The following NEIL1 variants were observed in gnomAD, a reference collection of about 807,000 sequenced individuals.
The protein encoded by NEIL1 is endonuclease 8-like 1.
NEIL1 carries 31 observed loss-of-function variants against 44.2 expected under a neutral mutation model. The ratio of observed to expected loss-of-function variants is 0.70; its 90% CI spans 0.53 to 0.95. NEIL1 has a LOEUF of 0.95. NEIL1 is among the 40% of genes least tolerant of loss of function. NEIL1 has a pLI of 0.00. For missense variants in NEIL1, 549 were observed against 515.5 expected (o/e 1.07, Z -0.63); for synonymous variants, 254 against 209.7 (o/e 1.21, Z -1.83).
chr15:75,348,459 A>T, intron 1 of NEIL1: 1 of 1,023,210 alleles, frequency 9.8e-7, no homozygotes, highest in Non-Finnish European at 1.2e-6. Flanking sequence ...GCGTGTGCGG[A>T]GGGGGTGCTC....
chr15:75,356,064 C>A lies in NEIL1; in HGVS notation c.*1030C>A. ...AACAGGAGGGGCCATGAAGGCTCTG[C>A]GAGGGCGAGACTCGACCCCCGCCCC... On this transcript the variant is annotated 3_prime_UTR_variant, in exon 10 of 10. Coordinates refer to ENST00000355059, the MANE Select transcript of NEIL1 (RefSeq NM_024608.4). The surrounding 1 kb of genome is among the most constrained non-coding windows in gnomAD (Gnocchi z 5.8). The A allele has an allele frequency of 6.2e-7, 1 of 1,613,380 alleles. No homozygotes were observed.
At position 75,356,286 on chromosome 15, in the gene NEIL1, C is replaced by G. The variant is rs531295861; in HGVS notation, c.*1252C>G. On this transcript the variant is annotated 3_prime_UTR_variant, in exon 10 of 10. Transcript: ENST00000355059. The surrounding 1 kb of genome is among the most constrained non-coding windows in gnomAD (Gnocchi z 5.8). ...CCAGTTCGGAACCCCGTCCCCAGCA[C>G]GTCCCACCCCTTGCCTGCTTGACGG... 4 of 1,611,768 alleles carry G rather than the reference C, an allele frequency of 2.5e-6. No homozygotes were observed. Among genetic ancestry groups the G allele is most frequent in the Non-Finnish European group, 3.4e-6 (4 of 1,179,204 alleles).
At chr15:75,354,304 A>G (rs778374980) in intron 7 of NEIL1, 27 bp downstream of exon 7, 25 of 1,613,814 alleles carry the variant, frequency 1.5e-5, no homozygotes, top group Non-Finnish European at 1.9e-5. Context: ...GTAATAGGCT[A>G]AGAGAGCAGA....
At position 75,352,357 on chromosome 15, in the gene NEIL1, G is replaced by A. The variant is rs754923072; in HGVS notation, c.588G>A (p.Ser196=). 17 of 1,614,040 alleles carry A rather than the reference G, an allele frequency of 1.1e-5. No homozygotes were observed. Among genetic ancestry groups the A allele is most frequent in the South Asian group, 7.7e-5 (7 of 91,080 alleles). ...LKIPPFEKAR[S]VLEALQQHRP... is the part of the protein sequence containing the mutation. ...TCCCCCCCTTTGAGAAGGCCCGCTC[G>A]GTCCTGGAGGCCCTGCAGCAGCACA... Residue 196 remains serine (S), a synonymous_variant, in exon 4 of 10, where the codon TCG becomes TCA. Coordinates refer to ENST00000355059, the MANE Select transcript of NEIL1 (RefSeq NM_024608.4).
chr15:75,354,189 A>G, intron 6 of NEIL1, 61 bp from the exon 7 acceptor site: 2 of 1,592,166 alleles, frequency 1.3e-6, no homozygotes, highest in Admixed American at 3.3e-5. Context: ...CTGCCTCTCC[A>G]AGGAATACCG....
In NEIL1 at chr15:75,349,156, C is replaced by T. The variant is rs1403197718; in HGVS notation, c.251C>T (p.Ser84Phe). The change falls in exon 2 of 10, where the codon TCT (serine) becomes TTT (phenylalanine). Residue 84 changes from serine (S) to phenylalanine (F), a missense_variant. By Grantham distance (155) the Ser-to-Phe change is radical. Coordinates refer to ENST00000355059, the MANE Select transcript of NEIL1 (RefSeq NM_024608.4). ...ALVFRFGMSG[S>F]FQLVPREELP... ...GTCTTCCGCTTCGGCATGTCCGGCT[C>T]TTTTCAGCTGGTGCCCCGCGAGGAG... is the stretch of plus-strand genomic sequence containing the variant. 6.2e-7 allele frequency: 1 copy of T among 1,609,868 alleles called. No individual in the cohort carries two copies. The highest frequency in any genetic ancestry group is 2.2e-5 in the East Asian group (1 of 44,878).
chr15:75,354,886 C>G (rs964853732), intron 9 of NEIL1, 68 bp downstream of exon 9: 67 of 1,611,800 alleles, frequency 4.2e-5, no homozygotes, highest in Non-Finnish European at 5.3e-5. Flanking sequence ...CCTAGGAGCG[C>G]GTGTACAAAG....
At chr15:75,354,313 G>C (rs746568192) in intron 7 of NEIL1, 36 bp downstream of exon 7, 3 of 1,613,870 alleles carry the variant, frequency 1.9e-6, no homozygotes, top group Middle Eastern at 1.7e-4. Context: ...TAAGAGAGCA[G>C]AAAGGACTTC....
chr15:75,354,162 AT>A, intron 6 of NEIL1, 87 bp from the exon 7 acceptor site: 1 of 1,421,804 alleles, frequency 7.0e-7, no homozygotes, highest in Non-Finnish European at 9.9e-7. Context: ...ACTGATCTGG[AT>A]GGGTGTGTGT....
At position 75,355,564 on chromosome 15, in the gene NEIL1, T is replaced by C. The variant is rs2072266136; in HGVS notation, c.*530T>C. 4.8e-5 allele frequency: 13 copies of C among 271,442 alleles called. No individual in the cohort carries two copies. The South Asian group carries it at 5.7e-4, about 12-fold the overall frequency. 16.8% of individuals were successfully genotyped at this position (271,442 alleles called of 1,614,324 possible). On this transcript the variant is annotated 3_prime_UTR_variant, in exon 10 of 10. Coordinates refer to ENST00000355059, the MANE Select transcript of NEIL1 (RefSeq NM_024608.4). ...TCCCCAGCCCCAGGCCCAGGCCCTT[T>C]ACCTGCTGGCACAGGGGAGGGGCTT... is the stretch of plus-strand genomic sequence containing the variant.
chr15:75,348,592 C>A, intron 1 of NEIL1: 1 of 1,276,828 alleles, frequency 7.8e-7, no homozygotes, highest in Non-Finnish European at 9.9e-7. Flanking sequence ...CAGCCGCGGC[C>A]CCGCAAGGAT....
chr15:75,349,250 G>T lies in NEIL1; in HGVS notation c.345G>T (p.Val115=). ...GCCCCCGGCTCGCCCTATGTTTCGT[G>T]GACATCCGCCGGTTCGGCCGCTGGG... ...PPGPRLALCF[V]DIRRFGRWDL... is the part of the protein sequence containing the mutation. The change falls in exon 2 of 10, where the codon GTG becomes GTT. Residue 115 remains valine, a synonymous_variant. Coordinates refer to ENST00000355059, the MANE Select transcript of NEIL1 (RefSeq NM_024608.4). 1 of 1,611,266 alleles carries T rather than the reference G, an allele frequency of 6.2e-7. No homozygotes were observed.
Position 75,353,779 on chromosome 15 carries a change from T to G in NEIL1, c.759T>G (p.Phe253Leu). 6.2e-7 allele frequency: 1 copy of G among 1,614,138 alleles called. No individual in the cohort carries two copies. The highest frequency in any genetic ancestry group is 8.5e-7 in the Non-Finnish European group (1 of 1,180,004). ...GGTCAGAGAGCGGGGAGGAGGACTT[T>G]GCTGCCTTTCGAGCCTGGCTGCGCT... ...GYGSESGEED[F>L]AAFRAWLRCY... The change falls in exon 6 of 10, where the codon TTT (phenylalanine) becomes TTG (leucine). Residue 253 changes from phenylalanine to leucine, a missense_variant. Phe to Leu is a conservative substitution (Grantham distance 22). Transcript: ENST00000355059.
chr15:75,348,452 T>G, intron 1 of NEIL1: 1 of 1,018,216 alleles, frequency 9.8e-7, no homozygotes, highest in Non-Finnish European at 1.2e-6. Context: ...AGAGACAGCG[T>G]GTGCGGAGGG....
chr15:75,350,343 A>G (rs1294644018), intron 2 of NEIL1, among the ~76,000 whole-genome samples: 2 of 152,212 alleles, frequency 1.3e-5, no homozygotes, highest in African/African-American at 4.8e-5. Flanking sequence ...CACATAGGAT[A>G]GGGGAATGAG....
At position 75,354,957 on chromosome 15, in the gene NEIL1, C is replaced by T. The variant is rs547141669; in HGVS notation, c.1103-7C>T. 1 of 1,613,808 alleles carries T rather than the reference C, an allele frequency of 6.2e-7. No homozygotes were observed. Among genetic ancestry groups the T allele is most frequent in the East Asian group, 2.2e-5 (1 of 44,872 alleles). On this transcript the variant is annotated splice_region_variant and splice_polypyrimidine_tract_variant and intron_variant, in intron 9 of 9. Coordinates refer to ENST00000355059, the MANE Select transcript of NEIL1 (RefSeq NM_024608.4). ...TTAGCTGACCATCTTGCCTGTTCTTCCCCCAGGCCACTGCAGACCCCGGAA... is the reference window on the plus strand; with the variant it reads ...TTAGCTGACCATCTTGCCTGTTCTTTCCCCAGGCCACTGCAGACCCCGGAA...
At chr15:75,349,826 T>G in intron 2 of NEIL1, 1 of 161,154 alleles carries the variant, frequency 6.2e-6, no homozygotes, top group East Asian at 1.8e-4. Flanking sequence ...AAAATAATGA[T>G]AATAATAACT....
In NEIL1 at chr15:75,348,985, TGGA is replaced by T. The variant is rs759349486; in HGVS notation, c.82_84del (p.Glu28del). 1.1e-5 allele frequency: 17 copies of T among 1,613,696 alleles called. No homozygotes were observed. The highest frequency in any genetic ancestry group is 3.3e-5 in the South Asian group (3 of 91,088). ...AGGGCGCTGGTGTTCGGCGGCTGCG[TGGA>T]GAAGTCCTCTGTCAGCCGCAACCCT... On this transcript the variant is annotated inframe_deletion, in exon 2 of 10. Coordinates refer to ENST00000355059, the MANE Select transcript of NEIL1 (RefSeq NM_024608.4).
Position 75,352,339 on chromosome 15 carries a change from C to G in NEIL1, c.570C>G (p.Pro190=), listed in dbSNP as rs753082642. 3.7e-6 allele frequency: 6 copies of G among 1,614,178 alleles called. No individual in the cohort carries two copies. In the South Asian group the frequency reaches 4.4e-5, roughly 12 times the overall value. The change falls in exon 4 of 10, where the codon CCC becomes CCG. Residue 190 remains proline, a synonymous_variant. Transcript: ENST00000355059. ...AEILYRLKIP[P]FEKARSVLEA... is the part of the protein sequence containing the mutation. ...CCCACTACAGGCTGAAGATCCCCCCCTTTGAGAAGGCCCGCTCGGTCCTGG... is the reference window on the plus strand; with the variant it reads ...CCCACTACAGGCTGAAGATCCCCCCGTTTGAGAAGGCCCGCTCGGTCCTGG...
Sources: gnomAD v4.1 joint callset for allele counts (sites outside exome capture counted in the v4.1 genomes callset) on GRCh38, gnomAD v4.1.1 for gene constraint, Gnocchi (gnomAD v3.1) non-coding constraint, MANE v1.5 for transcripts, NCBI Gene and HGNC (gene_info 2026-07-23, HGNC 2026-07-21) for gene names.